Variants in PTPRN2 observed in about 807,000 individuals in gnomAD.
PTPRN2 encodes the protein protein tyrosine phosphatase receptor type N2, also known as receptor-type tyrosine-protein phosphatase N2.
A neutral mutation model predicts 118.8 loss-of-function variants in PTPRN2; 74 were observed. The observed-to-expected ratio is 0.62, with a 90% CI of 0.52 to 0.76. The LOEUF is 0.76. PTPRN2 is among the 30% of genes least tolerant of loss of function. The pLI is 0.00. For synonymous variants in PTPRN2, 641 were observed against 608.0 expected (o/e 1.05, Z -0.80); for missense variants, 1,481 against 1,394.4 (o/e 1.06, Z -0.99).
chr7:158,264,777 G>C (rs1797762637), intron 3 of PTPRN2, among the ~76,000 whole-genome samples: 1 of 152,208 alleles, frequency 6.6e-6, no homozygotes. Flanking sequence ...CGAAAAGCCA[G>C]CTTGCACCTT....
intron 3 of PTPRN2, among the ~76,000 whole-genome samples, chr7:158,211,752 C>A (rs560182873): frequency 1.3e-5 from 2 of 152,302 alleles, no homozygotes; most frequent in South Asian, 4.1e-4. Flanking sequence ...AGGGAACCCT[C>A]ATACACACTG....
Position 158,040,429 on chromosome 7 carries a change from ATGCACACACG to A in PTPRN2, c.1723+40859_1723+40868del, listed in dbSNP as rs1361409295. On this transcript the variant is annotated intron_variant, in intron 11 of 22. Coordinates refer to ENST00000389418, the MANE Select transcript of PTPRN2 (RefSeq NM_002847.5). ...ACACACACACACAAACACACTGCAC[ATGCACACACG>A]TGCACACACACTGCAGAAAAATCAA... 5.9e-5 allele frequency among the ~76,000 whole-genome samples: 9 copies of A among 152,082 alleles called. No individual in the cohort carries two copies. In the East Asian group the frequency reaches 1.7e-3, roughly 29 times the overall value.
chr7:157,860,760 A>G (rs532821790), intron 12 of PTPRN2, among the ~76,000 whole-genome samples: 2 of 152,372 alleles, frequency 1.3e-5, no homozygotes, highest in East Asian at 1.9e-4. Flanking sequence ...ATATTTATAC[A>G]AATACACATA....
Position 157,560,798 on chromosome 7 carries a change from A to G in PTPRN2, c.2902+8104T>C, listed in dbSNP as rs1585032829. ...CGAGACAAGAGACACTGCGGGCCCAACGTGTCTGTGAGGTCCCTTTCCCAC... is the reference window on the plus strand; with the variant it reads ...CGAGACAAGAGACACTGCGGGCCCAGCGTGTCTGTGAGGTCCCTTTCCCAC... On this transcript the variant is annotated intron_variant, in intron 21 of 22. Coordinates refer to ENST00000389418, the MANE Select transcript of PTPRN2 (RefSeq NM_002847.5). This position sits in a 1 kb window ranked among gnomAD's most constrained non-coding sequence, Gnocchi z 6.7. 6.6e-6 allele frequency among the ~76,000 whole-genome samples: 1 copy of G among 152,096 alleles called. No individual in the cohort carries two copies. Among genetic ancestry groups the G allele is most frequent in the Non-Finnish European group, 1.5e-5 (1 of 68,010 alleles).
intron 2 of PTPRN2, among the ~76,000 whole-genome samples, chr7:158,440,551 G>A (rs2129432977): frequency 6.6e-6 from 1 of 150,500 alleles, no homozygotes; most frequent in Non-Finnish European, 1.5e-5. Flanking sequence ...GGTGGTGGCA[G>A]TGGCGGCGGT....
chr7:158,200,745 A>T (rs1826580949), intron 4 of PTPRN2, among the ~76,000 whole-genome samples: 1 of 152,220 alleles, frequency 6.6e-6, no homozygotes, highest in South Asian at 2.1e-4. Context: ...CACTAATTTG[A>T]AGTTTAAAAA....
At chr7:157,669,977 T>C (rs1796330091) in intron 13 of PTPRN2, among the ~76,000 whole-genome samples, 1 of 152,140 alleles carries the variant, frequency 6.6e-6, no homozygotes, top group South Asian at 2.1e-4. Context: ...ATCTACGTGG[T>C]GCAGAGGGGC....
intron 2 of PTPRN2, among the ~76,000 whole-genome samples, chr7:158,390,850 G>C (rs1811871515): frequency 6.6e-6 from 1 of 152,210 alleles, no homozygotes; most frequent in Non-Finnish European, 1.5e-5. Flanking sequence ...ATGCCCCAAA[G>C]AGGCTACGAA....
At chr7:158,241,151 G>T (rs1401807563) in intron 3 of PTPRN2, among the ~76,000 whole-genome samples, 1 of 152,228 alleles carries the variant, frequency 6.6e-6, no homozygotes, top group African/African-American at 2.4e-5. Context: ...GTTACCAGGT[G>T]ACTCTTCCCT....
At chr7:157,678,654 C>T (rs1796780866) in intron 13 of PTPRN2, among the ~76,000 whole-genome samples, 1 of 152,142 alleles carries the variant, frequency 6.6e-6, no homozygotes, top group African/African-American at 2.4e-5. Flanking sequence ...GTGCACTTAG[C>T]CGCTGTGTTT....
At chr7:157,631,127 C>A (rs972668686) in intron 14 of PTPRN2, among the ~76,000 whole-genome samples, 2 of 152,102 alleles carry the variant, frequency 1.3e-5, no homozygotes, top group African/African-American at 4.8e-5. Flanking sequence ...GTTCTCCCTG[C>A]GTCTTAATGT....
chr7:158,509,051 G>T lies in PTPRN2; in HGVS notation c.113-19266C>A, dbSNP rs1011981662. Among the ~76,000 whole-genome samples the T allele has an allele frequency of 6.6e-6, 1 of 152,096 alleles. No individual in the cohort carries two copies. Among genetic ancestry groups the T allele is most frequent in the African/African-American group, 2.4e-5 (1 of 41,404 alleles). ...AGAGGTGGAAGCTGATGCGGGTGGA[G>T]GTGGGTGGTTTCTAAAGATAAGAAG... On this transcript the variant is annotated intron_variant, in intron 1 of 22. Transcript: ENST00000389418. This position sits in a 1 kb window ranked among gnomAD's most constrained non-coding sequence, Gnocchi z 4.4.
intron 2 of PTPRN2, among the ~76,000 whole-genome samples, chr7:158,327,356 T>C (rs887224870): frequency 3.0e-5 from 4 of 135,196 alleles, no homozygotes; most frequent in Admixed American, 7.5e-5. Flanking sequence ...CTCACACATG[T>C]ACACATTGTC....
chr7:158,364,387 C>A (rs1456403098), intron 2 of PTPRN2, among the ~76,000 whole-genome samples: 2 of 150,166 alleles, frequency 1.3e-5, no homozygotes, highest in African/African-American at 4.9e-5. Flanking sequence ...CCCATCCTCA[C>A]TTCACCTGCC....
At chr7:158,326,434 G>A (rs1803525939) in intron 2 of PTPRN2, among the ~76,000 whole-genome samples, 1 of 152,232 alleles carries the variant, frequency 6.6e-6, no homozygotes, top group African/African-American at 2.4e-5. Flanking sequence ...TACAGCAGGA[G>A]AATTAATGCA....
rs1210898232 is a variant in PTPRN2, at chr7:157,568,893, G to A, written c.2902+9C>T. On this transcript the variant is annotated intron_variant, in intron 21 of 22. Coordinates refer to ENST00000389418, the MANE Select transcript of PTPRN2 (RefSeq NM_002847.5). ...GAGCCGCAACAAAGCGGCAGTGTCTGTGTCTCACCTTTGGCCATCTTGTTG... is the reference window on the plus strand; with the variant it reads ...GAGCCGCAACAAAGCGGCAGTGTCTATGTCTCACCTTTGGCCATCTTGTTG... The A allele has an allele frequency of 4.5e-6, 7 of 1,548,578 alleles. No homozygotes were observed. The highest frequency in any genetic ancestry group is 6.2e-6 in the Non-Finnish European group (7 of 1,120,534).
At chr7:158,341,541 GAC>G (rs1563177857) in intron 2 of PTPRN2, among the ~76,000 whole-genome samples, 23 of 106,270 alleles carry the variant, frequency 2.2e-4, no homozygotes, top group Admixed American at 2.9e-4. Flanking sequence ...CATAAGAGGT[GAC>G]ATCTGCAGAC....
At chr7:158,346,629 A>G (rs2151253720) in intron 2 of PTPRN2, among the ~76,000 whole-genome samples, 1 of 152,330 alleles carries the variant, frequency 6.6e-6, no homozygotes, top group East Asian at 1.9e-4. Flanking sequence ...CTTTGGATAA[A>G]TACCTCATAG....
chr7:158,154,414 A>G (rs1379684431), intron 6 of PTPRN2, among the ~76,000 whole-genome samples: 3 of 152,370 alleles, frequency 2.0e-5, no homozygotes, highest in African/African-American at 7.2e-5. Context: ...ATTTGTTGAC[A>G]GGAAGTTGTG....
Sources: allele counts gnomAD v4.1 joint callset (sites outside exome capture counted in the v4.1 genomes callset), GRCh38; gene constraint gnomAD v4.1.1; non-coding constraint Gnocchi (gnomAD v3.1); transcripts MANE v1.5; gene names NCBI Gene and HGNC (gene_info 2026-07-23, HGNC 2026-07-21).